CPLANE1: variants seen among roughly 807,000 people sequenced by gnomAD.
The protein encoded by CPLANE1 is ciliogenesis and planar polarity effector 1.
In CPLANE1, 263 loss-of-function variants were observed where a neutral mutation model predicts 362.5. The observed-to-expected ratio is 0.73, with a 90% confidence interval of 0.66 to 0.80. The LOEUF (loss-of-function observed/expected upper bound fraction) is 0.80. Ranked by LOEUF, CPLANE1 falls within the 30% of genes least tolerant of loss-of-function variation. The pLI, the probability that CPLANE1 is intolerant of heterozygous loss-of-function variation, is 0.00. For missense variants in CPLANE1, 3,461 were observed against 3,793.4 expected (o/e 0.91, Z 2.30); for synonymous variants, 1,212 against 1,302.6 (o/e 0.93, Z 1.50).
intron 8 of CPLANE1, among the ~76,000 whole-genome samples, chr5:37,236,236 T>G (rs754362860): frequency 1.3e-5 from 2 of 151,992 alleles, no homozygotes; most frequent in Non-Finnish European, 2.9e-5. Context: ...AGCACACAGA[T>G]AAATGTAACA....
At chr5:37,086,811 T>C in the CPLANE1 span, among the ~76,000 whole-genome samples, 4 of 152,154 alleles carry the variant, frequency 2.6e-5, no homozygotes, top group African/African-American at 9.7e-5. Flanking sequence ...AAGCATAATA[T>C]CTGTGTCAGT....
At chr5:37,229,351 C>A (rs1303092514) in intron 9 of CPLANE1, among the ~76,000 whole-genome samples, 2 of 151,698 alleles carry the variant, frequency 1.3e-5, no homozygotes, top group Non-Finnish European at 1.5e-5. Context: ...CAGTTTGAGA[C>A]CATCCTGGCC....
chr5:37,125,418 T>C lies in CPLANE1; in HGVS notation c.8793-9A>G, dbSNP rs1424665860. The C allele has an allele frequency of 1.2e-6, 2 of 1,610,770 alleles. No homozygotes were observed. Among genetic ancestry groups the C allele is most frequent in the Non-Finnish European group, 1.7e-6 (2 of 1,179,402 alleles). On this transcript the variant is annotated splice_polypyrimidine_tract_variant and intron_variant, in intron 46 of 52. Coordinates refer to ENST00000651892, the MANE Select transcript of CPLANE1 (RefSeq NM_001384732.1). ...CAGAATAATGCTGAATTCTGAGAAA[T>C]TTAACAAGCAAGACATCATTTGCTT...
the CPLANE1 span, chr5:37,085,326 AT>A: frequency 7.7e-7 from 1 of 1,294,976 alleles, no homozygotes; most frequent in African/African-American, 1.5e-5. Context: ...TGTCATCAGC[AT>A]TGACAAGACG....
At chr5:37,113,545 C>G (rs1452469276) in intron 51 of CPLANE1, among the ~76,000 whole-genome samples, 1 of 152,078 alleles carries the variant, frequency 6.6e-6, no homozygotes, top group East Asian at 1.9e-4. Flanking sequence ...ATCCAAACGA[C>G]CAGAAGCTTG....
In CPLANE1 at chr5:37,119,030, G is replaced by A. The variant is rs1761878753; in HGVS notation, c.9310+1186C>T. On this transcript the variant is annotated intron_variant, in intron 50 of 52. Transcript: ENST00000651892. ...CCGGGCCTATTTTACATTTTTAAATGTATACATTTATACTACATGTCAGCT... is the reference window on the plus strand; with the variant it reads ...CCGGGCCTATTTTACATTTTTAAATATATACATTTATACTACATGTCAGCT... Among the ~76,000 whole-genome samples the A allele has an allele frequency of 2.0e-5, 3 of 152,002 alleles. No homozygotes were observed. In the South Asian group the frequency reaches 6.2e-4, roughly 32 times the overall value.
chr5:37,085,888 T>A, the CPLANE1 span: 2 of 852,098 alleles, frequency 2.3e-6, no homozygotes, highest in Admixed American at 2.3e-5. Context: ...TCTTTGTACA[T>A]AATTAAAAAT....
At chr5:37,156,039 T>C (rs1395743796) in intron 41 of CPLANE1, among the ~76,000 whole-genome samples, 2 of 152,220 alleles carry the variant, frequency 1.3e-5, no homozygotes, top group Non-Finnish European at 2.9e-5. Flanking sequence ...CACTTGTTTG[T>C]ATATGCAGCT....
chr5:37,213,465 T>A, intron 16 of CPLANE1, 94 bp downstream of exon 16: 1 of 753,580 alleles, frequency 1.3e-6, no homozygotes, highest in Non-Finnish European at 2.0e-6. Context: ...GCTAGAACAG[T>A]ATCATTGAGT....
chr5:37,246,115 A>C (rs1739538482), intron 2 of CPLANE1: 1 of 223,796 alleles, frequency 4.5e-6, no homozygotes, highest in Admixed American at 5.8e-5. Context: ...GTGTCCTCTA[A>C]TTCTGCTAGC....
rs749331705 is a variant in CPLANE1 at position 37,164,225 on chromosome 5, A to G, written c.7588+48T>C. 47 of 1,406,618 alleles carry G rather than the reference A, an allele frequency of 3.3e-5. No homozygotes were observed. In the Middle Eastern group the frequency reaches 5.4e-4, roughly 16 times the overall value. 87.1% of individuals were successfully genotyped at this position (1,406,618 alleles called of 1,614,324 possible). ...ATATTGTACATATTTCTAGAAAGCT[A>G]ATTTTAACTCTAAACTTAGACATTA... On this transcript the variant is annotated intron_variant, in intron 37 of 52. Coordinates refer to ENST00000651892, the MANE Select transcript of CPLANE1 (RefSeq NM_001384732.1).
chr5:37,246,073 T>C (rs1739522102), intron 2 of CPLANE1: 1 of 301,934 alleles, frequency 3.3e-6, no homozygotes, highest in African/African-American at 2.1e-5. Flanking sequence ...AGTAGTTGTA[T>C]TTCAATTTCT....
At chr5:37,141,105 CTA>C in intron 44 of CPLANE1, 2 of 985,394 alleles carry the variant, frequency 2.0e-6, no homozygotes, top group African/African-American at 3.5e-5. Flanking sequence ...CTCGTTTCTT[CTA>C]TTTCTTTCCC....
chr5:37,180,847 G>C lies in CPLANE1; in HGVS notation c.5570+10C>G. The C allele has an allele frequency of 6.2e-7, 1 of 1,612,166 alleles. No homozygotes were observed. The highest frequency in any genetic ancestry group is 8.5e-7 in the Non-Finnish European group (1 of 1,178,790). The stretch of plus-strand genomic sequence containing the variant: ...TTATATTGAAAAGAAGAGTATAATC[G>C]GCAACTTACTTCAAGATATTTTGAC... On this transcript the variant is annotated intron_variant, in intron 27 of 52. Coordinates refer to ENST00000651892, the MANE Select transcript of CPLANE1 (RefSeq NM_001384732.1).
At chr5:37,125,531 T>C (rs1763904041) in intron 46 of CPLANE1, 122 bp from the exon 47 acceptor site, 2 of 850,950 alleles carry the variant, frequency 2.4e-6, no homozygotes, top group Non-Finnish European at 3.6e-6. Context: ...TAGTATATAC[T>C]TATGTTCTCT....
At chr5:37,235,571 T>A (rs1268830655) in intron 8 of CPLANE1, among the ~76,000 whole-genome samples, 1 of 89,982 alleles carries the variant, frequency 1.1e-5, no homozygotes, top group African/African-American at 4.0e-5. Context: ...TAATTTCTTT[T>A]TTTTTTTTTT....
chr5:37,244,231 G>A, intron 5 of CPLANE1, 144 bp downstream of exon 5: 1 of 530,856 alleles, frequency 1.9e-6, no homozygotes, highest in Non-Finnish European at 3.2e-6. Flanking sequence ...TTTTAAAAAT[G>A]TGACCCAAGA....
Position 37,175,959 on chromosome 5 carries a change from C to T in CPLANE1, c.5928G>A (p.Gly1976=), listed in dbSNP as rs34161326. The part of the protein sequence containing the change: ...KGMIEAFSHP[G]HTTPQSMQVD... ...CTTGCATTGATTGAGGAGTGGTATG[C>T]CCAGGATGTGAAAAGGCTTCGATCA... Residue 1976 remains glycine (G), a synonymous_variant, in exon 31 of 53, where the codon GGG becomes GGA. Transcript: ENST00000651892. The T allele has an allele frequency of 1.1e-3, 1,766 of 1,612,964 alleles. 3 individuals carry two copies. The highest frequency in any genetic ancestry group is 3.2e-3 in the Middle Eastern group (19 of 6,026).
Position 37,108,365 on chromosome 5 carries a change from AGTCTCCT to A in CPLANE1, c.9500_9506del (p.Glu3167ValfsTer3). The A allele has an allele frequency of 1.2e-6, 2 of 1,614,168 alleles. No individual in the cohort carries two copies. Among genetic ancestry groups the A allele is most frequent in the Non-Finnish European group, 1.7e-6 (2 of 1,179,994 alleles). ...AAGGTATCGTCCAGGGACTCACCAC[AGTCTCCT>A]CTCTTTCATACTCTACACACACCTG... On this transcript the variant is annotated frameshift_variant, in exon 52 of 53. Coordinates refer to ENST00000651892, the MANE Select transcript of CPLANE1 (RefSeq NM_001384732.1). LOFTEE classifies it high-confidence loss of function.
Sources: allele counts gnomAD v4.1 joint callset (sites outside exome capture counted in the v4.1 genomes callset), GRCh38; gene constraint gnomAD v4.1.1; transcripts MANE v1.5; gene names NCBI Gene and HGNC (gene_info 2026-07-23, HGNC 2026-07-21).